ROBO2: variants seen among roughly 807,000 people sequenced by gnomAD.
ROBO2 encodes the protein roundabout guidance receptor 2, also known as roundabout homolog 2.
In ROBO2, 53 loss-of-function variants were observed where a neutral mutation model predicts 160.8. The ratio of observed to expected loss-of-function variants is 0.33; its 90% CI spans 0.26 to 0.41. The LOEUF (loss-of-function observed/expected upper bound fraction) is 0.41, where lower values mean the gene tolerates loss of function less well. ROBO2 is among the 10% of genes least tolerant of loss of function. The probability of loss-of-function intolerance (pLI) is 1.00; values close to 1 mark genes in which losing one functional copy is unlikely to be tolerated. For missense variants in ROBO2, 1,577 were observed against 1,722.4 expected (o/e 0.92, Z 1.49); for synonymous variants, 664 against 611.7 (o/e 1.09, Z -1.26).
intron 2 of ROBO2, among the ~76,000 whole-genome samples, chr3:76,059,947 A>T (rs1283975487): frequency 1.3e-5 from 2 of 152,130 alleles, no homozygotes; most frequent in African/African-American, 4.8e-5. Flanking sequence ...TTTGTCAAAG[A>T]TCAGATGGTT....
At chr3:76,280,666 C>G (rs1708181596) in intron 2 of ROBO2, among the ~76,000 whole-genome samples, 1 of 151,922 alleles carries the variant, frequency 6.6e-6, no homozygotes, top group Non-Finnish European at 1.5e-5. Flanking sequence ...TTTTAAATGG[C>G]CACTTTTATT....
chr3:77,234,623 G>T (rs952742140), intron 2 of ROBO2, among the ~76,000 whole-genome samples: 2 of 152,078 alleles, frequency 1.3e-5, no homozygotes, highest in South Asian at 2.1e-4. Context: ...AAGAAATAAG[G>T]TTTTATTAAT....
At chr3:76,141,216 A>G (rs2071656422) in intron 2 of ROBO2, among the ~76,000 whole-genome samples, 1 of 123,646 alleles carries the variant, frequency 8.1e-6, no homozygotes, top group African/African-American at 3.1e-5. Context: ...TATATCAGAC[A>G]TTAAAAATGA....
chr3:77,440,846 T>C (rs1470251181), intron 2 of ROBO2, among the ~76,000 whole-genome samples: 1 of 152,122 alleles, frequency 6.6e-6, no homozygotes, highest in Admixed American at 6.5e-5. Flanking sequence ...AAGCTCAGTC[T>C]CCAGGAATAT....
chr3:77,420,386 AAAAT>A (rs1428219973), intron 2 of ROBO2, among the ~76,000 whole-genome samples: 2 of 152,138 alleles, frequency 1.3e-5, no homozygotes, highest in Non-Finnish European at 2.9e-5. Flanking sequence ...AAAATGAAAT[AAAAT>A]AAGGTAGATA....
At chr3:76,615,881 A>G (rs1208236981) in intron 2 of ROBO2, among the ~76,000 whole-genome samples, 2 of 152,234 alleles carry the variant, frequency 1.3e-5, no homozygotes, top group Non-Finnish European at 1.5e-5. Context: ...TTTTGGGATG[A>G]GGAGTCAGAG....
intron 2 of ROBO2, among the ~76,000 whole-genome samples, chr3:76,829,282 T>G (rs1030696432): frequency 6.6e-6 from 1 of 152,210 alleles, no homozygotes; most frequent in Non-Finnish European, 1.5e-5. Flanking sequence ...TGTTAATTGC[T>G]AAGCCCAGTC....
At chr3:76,215,259 C>G (rs1243873676) in intron 2 of ROBO2, among the ~76,000 whole-genome samples, 1 of 152,190 alleles carries the variant, frequency 6.6e-6, no homozygotes, top group East Asian at 1.9e-4. Flanking sequence ...AGCACCTCTC[C>G]TCCTCCAAAG....
At chr3:77,515,968 C>A (rs1160376487) in intron 5 of ROBO2, among the ~76,000 whole-genome samples, 3 of 151,440 alleles carry the variant, frequency 2.0e-5, no homozygotes, top group African/African-American at 2.4e-5. Context: ...CATGTATTTT[C>A]TTATTATTGC....
intron 2 of ROBO2, among the ~76,000 whole-genome samples, chr3:75,949,481 G>T (rs1444488069): frequency 6.6e-6 from 1 of 152,048 alleles, no homozygotes; most frequent in Non-Finnish European, 1.5e-5. Flanking sequence ...TGTAAGGTTT[G>T]CATGGCATGG....
intron 2 of ROBO2, among the ~76,000 whole-genome samples, chr3:76,204,004 A>G (rs1702684752): frequency 6.6e-6 from 1 of 152,180 alleles, no homozygotes; most frequent in Non-Finnish European, 1.5e-5. Context: ...TAATGCCTTT[A>G]ATAAATTCTC....
chr3:77,492,128 G>A (rs2086203850), intron 4 of ROBO2, among the ~76,000 whole-genome samples: 1 of 152,136 alleles, frequency 6.6e-6, no homozygotes, highest in Non-Finnish European at 1.5e-5. Flanking sequence ...GGCTAAATAT[G>A]TCCAGATGGC....
At chr3:77,058,039 A>T (rs1488172686) in intron 1 of ROBO2, among the ~76,000 whole-genome samples, 3 of 152,134 alleles carry the variant, frequency 2.0e-5, no homozygotes, top group Admixed American at 6.6e-5. Context: ...CGTTAATGTT[A>T]TTTGGGGTGT....
Position 77,369,172 on chromosome 3 carries a change from G to A in ROBO2, c.389-108242G>A, listed in dbSNP as rs143487407. 2.4e-3 allele frequency among the ~76,000 whole-genome samples: 372 copies of A among 152,244 alleles called. 3 individuals carry two copies. The highest frequency in any genetic ancestry group is 8.7e-3 in the African/African-American group (360 of 41,556). ...GGGACTAGAGTGAAGCAGGTGAAGT[G>A]CCCGGGGTGTGCTTCACACTCTTCA... On this transcript the variant is annotated intron_variant, in intron 2 of 25. Transcript: ENST00000461745.
chr3:76,871,062 A>G (rs893304203), intron 2 of ROBO2, among the ~76,000 whole-genome samples: 7 of 152,188 alleles, frequency 4.6e-5, no homozygotes, highest in Non-Finnish European at 7.3e-5. Context: ...CTTGGACTTG[A>G]AATTATACAT....
At chr3:77,546,279 A>C in intron 6 of ROBO2, 59 bp from the exon 8 acceptor site, 1 of 1,582,926 alleles carries the variant, frequency 6.3e-7, no homozygotes, top group Non-Finnish European at 8.7e-7. Flanking sequence ...TTTCTCCTTG[A>C]CATATTTTTA....
chr3:76,229,905 A>G (rs1006337293), intron 2 of ROBO2, among the ~76,000 whole-genome samples: 1 of 152,144 alleles, frequency 6.6e-6, no homozygotes, highest in Non-Finnish European at 1.5e-5. Context: ...AAATGTCCCA[A>G]CAGCACTGGT....
intron 2 of ROBO2, among the ~76,000 whole-genome samples, chr3:76,301,835 G>T (rs577292392): frequency 6.6e-6 from 1 of 152,036 alleles, no homozygotes; most frequent in Admixed American, 6.6e-5. Context: ...AGTAGTAAGT[G>T]ACAATTTTTC....
intron 2 of ROBO2, among the ~76,000 whole-genome samples, chr3:77,445,512 AAT>A: frequency 6.6e-6 from 1 of 152,208 alleles, no homozygotes; most frequent in Middle Eastern, 3.4e-3. Flanking sequence ...TATCGCAACT[AAT>A]AGTGACTTTC....
Sources: gnomAD v4.1 joint callset for allele counts (sites outside exome capture counted in the v4.1 genomes callset) on GRCh38, gnomAD v4.1.1 for gene constraint, MANE v1.5 for transcripts, NCBI Gene and HGNC (gene_info 2026-07-23, HGNC 2026-07-21) for gene names.